The following NTNG1 variants were observed in gnomAD, a reference collection of about 807,000 sequenced individuals.
NTNG1 encodes netrin G1.
Under a neutral mutation model 54.0 loss-of-function variants are expected in NTNG1, and 16 were observed. The observed-to-expected ratio is 0.30, with a 90% CI of 0.20 to 0.45. The LOEUF is 0.45. Among genes scored for constraint, NTNG1 ranks in the 20% least tolerant of loss-of-function variants. The pLI is 1.00. For missense variants in NTNG1, 530 were observed against 678.7 expected (o/e 0.78, Z 2.43); for synonymous variants, 255 against 263.1 (o/e 0.97, Z 0.30).
intron 2 of NTNG1, among the ~76,000 whole-genome samples, chr1:107,213,614 G>A (rs1333817387): frequency 6.6e-6 from 1 of 152,074 alleles, no homozygotes; most frequent in Non-Finnish European, 1.5e-5. Flanking sequence ...CTTAATCAGG[G>A]CTAGCTGACA....
At chr1:107,264,663 G>A (rs1663611124) in intron 2 of NTNG1, among the ~76,000 whole-genome samples, 1 of 152,040 alleles carries the variant, frequency 6.6e-6, no homozygotes, top group Admixed American at 6.6e-5. Context: ...CATCTATTTA[G>A]ATGATCTCAA....
At chr1:107,262,716 T>A (rs1165664602) in intron 2 of NTNG1, among the ~76,000 whole-genome samples, 2 of 152,254 alleles carry the variant, frequency 1.3e-5, no homozygotes, top group Non-Finnish European at 2.9e-5. Context: ...TCATCTTTTC[T>A]GTGAGTGTAT....
intron 3 of NTNG1, among the ~76,000 whole-genome samples, chr1:107,326,986 C>G (rs1436763788): frequency 6.6e-6 from 1 of 152,124 alleles, no homozygotes; most frequent in Non-Finnish European, 1.5e-5. Flanking sequence ...TCTCCCATCT[C>G]CCAGACTAGT....
chr1:107,326,906 C>T (rs1667989585), intron 3 of NTNG1, among the ~76,000 whole-genome samples: 1 of 152,158 alleles, frequency 6.6e-6, no homozygotes, highest in African/African-American at 2.4e-5. Flanking sequence ...GCATTCTCCA[C>T]TGATGTCAAG....
At chr1:107,217,229 T>C (rs1013557571) in intron 2 of NTNG1, among the ~76,000 whole-genome samples, 5 of 152,190 alleles carry the variant, frequency 3.3e-5, no homozygotes, top group African/African-American at 7.2e-5. Context: ...AGTTTATGCA[T>C]GTAACTGTGT....
chr1:107,304,939 A>G (rs1185048282), intron 2 of NTNG1, among the ~76,000 whole-genome samples: 3 of 151,974 alleles, frequency 2.0e-5, no homozygotes, highest in African/African-American at 4.8e-5. Flanking sequence ...CCCTGTGTCC[A>G]TGTGTTCTCA....
intron 2 of NTNG1, among the ~76,000 whole-genome samples, chr1:107,150,034 A>C (rs1238328209): frequency 6.6e-6 from 1 of 152,158 alleles, no homozygotes. Context: ...TTGAGCAATA[A>C]AGAGTGTTTT....
chr1:107,417,234 T>G (rs2101211005), intron 5 of NTNG1, among the ~76,000 whole-genome samples: 1 of 152,202 alleles, frequency 6.6e-6, no homozygotes, highest in South Asian at 2.1e-4. Context: ...CATTCATAAA[T>G]TTTCATAGAT....
At chr1:107,471,964 T>C (rs1678006412) in intron 7 of NTNG1, among the ~76,000 whole-genome samples, 1 of 152,194 alleles carries the variant, frequency 6.6e-6, no homozygotes, top group East Asian at 1.9e-4. Flanking sequence ...CACCTCCACA[T>C]AATTCATCTT....
At chr1:107,397,811 C>A (rs1292809283) in intron 4 of NTNG1, among the ~76,000 whole-genome samples, 1 of 151,346 alleles carries the variant, frequency 6.6e-6, no homozygotes, top group Non-Finnish European at 1.5e-5. Flanking sequence ...TAACCATTAT[C>A]GACTCCAATT....
chr1:107,378,632 C>A (rs1480279563), intron 3 of NTNG1, among the ~76,000 whole-genome samples: 1 of 152,160 alleles, frequency 6.6e-6, no homozygotes, highest in Non-Finnish European at 1.5e-5. Context: ...CAATGTCAGG[C>A]TCAGGAGAAG....
chr1:107,161,701 C>T (rs962259150), intron 2 of NTNG1, among the ~76,000 whole-genome samples: 3 of 151,310 alleles, frequency 2.0e-5, no homozygotes, highest in Admixed American at 2.0e-4. Flanking sequence ...CCAAAAAAAC[C>T]TCCACGACTT....
At chr1:107,358,692 A>G (rs1195723548) in intron 3 of NTNG1, among the ~76,000 whole-genome samples, 4 of 152,008 alleles carry the variant, frequency 2.6e-5, no homozygotes, top group Non-Finnish European at 4.4e-5. Flanking sequence ...AGAGTTTAAC[A>G]ACATCTACAA....
intron 2 of NTNG1, among the ~76,000 whole-genome samples, chr1:107,231,584 A>C (rs1242222831): frequency 1.3e-5 from 2 of 151,924 alleles, no homozygotes; most frequent in Non-Finnish European, 2.9e-5. Flanking sequence ...TACATTGCCA[A>C]ATTAATTACA....
chr1:107,229,746 A>T (rs147092915), intron 2 of NTNG1, among the ~76,000 whole-genome samples: 1 of 151,910 alleles, frequency 6.6e-6, no homozygotes, highest in East Asian at 1.9e-4. Flanking sequence ...ATTTAAAAAT[A>T]TTATTTTTAG....
chr1:107,320,792 C>G (rs1263484307), intron 2 of NTNG1, among the ~76,000 whole-genome samples: 1 of 150,682 alleles, frequency 6.6e-6, no homozygotes, highest in Non-Finnish European at 1.5e-5. Context: ...TAATAGCCAT[C>G]AAATCACTAA....
At chr1:107,405,629 C>G (rs1673368686) in intron 4 of NTNG1, among the ~76,000 whole-genome samples, 2 of 152,058 alleles carry the variant, frequency 1.3e-5, no homozygotes, top group Non-Finnish European at 2.9e-5. Flanking sequence ...TTGTATGGTG[C>G]CAAACACCCT....
Position 107,483,121 on chromosome 1 carries a change from T to C in NTNG1, c.*2281T>C, listed in dbSNP as rs926650971. The C allele has an allele frequency of 4.6e-5, 7 of 152,226 alleles. No homozygotes were observed. The highest frequency in any genetic ancestry group is 4.6e-4 in the Admixed American group (7 of 15,286). 9.4% of individuals were successfully genotyped at this position (152,226 alleles called of 1,614,324 possible). A position where few individuals can be genotyped will look rare whatever the true frequency, so the allele number is the denominator to read the frequency against. ...TATTTATAATGAGGTGGATTTCTGA[T>C]ATTAAAATTAGAGTTTAAGTTGTCT... On this transcript the variant is annotated 3_prime_UTR_variant, in exon 8 of 8. Coordinates refer to ENST00000370068, the MANE Select transcript of NTNG1 (RefSeq NM_001113226.3).
chr1:107,418,000 A>G (rs1674330027), intron 5 of NTNG1, among the ~76,000 whole-genome samples: 1 of 152,184 alleles, frequency 6.6e-6, no homozygotes, highest in Admixed American at 6.6e-5. Context: ...AACCTTAAAT[A>G]CAACTGGAAG....
Sources: allele counts gnomAD v4.1 joint callset (sites outside exome capture counted in the v4.1 genomes callset), GRCh38; gene constraint gnomAD v4.1.1; transcripts MANE v1.5; gene names NCBI Gene and HGNC (gene_info 2026-07-23, HGNC 2026-07-21).